PHACTR1: variants seen among roughly 807,000 people sequenced by gnomAD.
The protein encoded by PHACTR1 is RPEL repeat containing 1.
A neutral mutation model predicts 69.2 loss-of-function variants in PHACTR1; 16 were observed. That is an observed-to-expected ratio of 0.23 (90% CI 0.16 to 0.35). The LOEUF (loss-of-function observed/expected upper bound fraction) is 0.35. Among genes scored for constraint, PHACTR1 ranks in the 10% least tolerant of loss-of-function variants. The probability of loss-of-function intolerance (pLI) is 1.00; values close to 1 mark genes in which losing one functional copy is unlikely to be tolerated. For missense variants in PHACTR1, 510 were observed against 734.7 expected (o/e 0.69, Z 3.54); for synonymous variants, 312 against 284.5 (o/e 1.10, Z -0.97).
chr6:12,905,470 G>A (rs747009851), intron 4 of PHACTR1, among the ~76,000 whole-genome samples: 2 of 152,174 alleles, frequency 1.3e-5, no homozygotes, highest in African/African-American at 2.4e-5. Context: ...CATCCTATAT[G>A]CTAGGAACTG....
intron 4 of PHACTR1, among the ~76,000 whole-genome samples, chr6:13,043,374 C>T (rs1011816066): frequency 2.0e-5 from 3 of 151,508 alleles, no homozygotes; most frequent in Non-Finnish European, 2.9e-5. Flanking sequence ...TTGCAGTGAA[C>T]GGAGATAGAG....
chr6:13,230,124 A>G lies in PHACTR1; in HGVS notation c.1322A>G (p.Asn441Ser). 6.2e-7 allele frequency: 1 copy of G among 1,611,804 alleles called. No individual in the cohort carries two copies. The highest frequency in any genetic ancestry group is 8.5e-7 in the Non-Finnish European group (1 of 1,179,122). Residue 441 changes from asparagine (N) to serine (S), a missense_variant, in exon 10 of 15, where the codon AAC becomes AGC. Coordinates refer to ENST00000332995, the MANE Select transcript of PHACTR1 (RefSeq NM_030948.6). ...RPSKRELEEK[N>S]ILPRQTDEER... The stretch of plus-strand genomic sequence containing the variant: ...TCCAAGCGAGAGCTGGAAGAAAAGA[A>G]CATCCTTCCCAGGCAGACGGATGAG...
At chr6:13,172,452 C>T (rs78542501) in intron 6 of PHACTR1, among the ~76,000 whole-genome samples, 17 of 152,238 alleles carry the variant, frequency 1.1e-4, no homozygotes, top group Non-Finnish European at 2.1e-4. Context: ...TGTAATGAGG[C>T]GCTCAGGTTA....
intron 4 of PHACTR1, among the ~76,000 whole-genome samples, chr6:12,979,740 A>C (rs547651498): frequency 5.9e-5 from 9 of 151,946 alleles, no homozygotes; most frequent in East Asian, 1.9e-4. Context: ...AAAAAAAAAA[A>C]AAACCCCACA....
intron 10 of PHACTR1, among the ~76,000 whole-genome samples, chr6:13,255,933 C>G (rs1036035822): frequency 2.2e-4 from 34 of 152,332 alleles, no homozygotes; most frequent in Admixed American, 1.2e-3. Context: ...CTCCACTAGG[C>G]AGTGCCCCAG....
In PHACTR1 at chr6:12,900,735, A is replaced by G. The variant is rs143338136; in HGVS notation, c.250+150945A>G. On this transcript the variant is annotated intron_variant, in intron 4 of 14. Coordinates refer to ENST00000332995, the MANE Select transcript of PHACTR1 (RefSeq NM_030948.6). ...CATATCAATTTTTATATTAAAGTCC[A>G]TGTTCAGTGCCTGACTTGTATATGA... Among the ~76,000 whole-genome samples the G allele has an allele frequency of 5.8e-4, 88 of 152,250 alleles. 1 individual carries two copies. In the East Asian group the frequency reaches 0.015, roughly 27 times the overall value.
At chr6:12,747,597 G>A (rs991596154) in intron 3 of PHACTR1, among the ~76,000 whole-genome samples, 1 of 152,036 alleles carries the variant, frequency 6.6e-6, no homozygotes. Context: ...GCCCAAGGAA[G>A]TCAGGACTGT....
chr6:12,972,580 G>A (rs1047095425), intron 4 of PHACTR1, among the ~76,000 whole-genome samples: 13 of 151,810 alleles, frequency 8.6e-5, no homozygotes, highest in African/African-American at 2.7e-4. Flanking sequence ...CTGGCCTGCC[G>A]GCATTCCGTG....
chr6:12,818,174 C>T (rs570477544), intron 4 of PHACTR1, among the ~76,000 whole-genome samples: 8 of 152,206 alleles, frequency 5.3e-5, no homozygotes, highest in East Asian at 1.9e-4. Context: ...GTGTTTGCTA[C>T]GTAACAAACC....
chr6:12,914,158 C>A (rs1383699411), intron 4 of PHACTR1, among the ~76,000 whole-genome samples: 2 of 152,056 alleles, frequency 1.3e-5, no homozygotes, highest in African/African-American at 2.4e-5. Flanking sequence ...TGCCACCATG[C>A]CCAGCTAATT....
In PHACTR1 at chr6:13,273,133, G is replaced by A. The variant is rs562933015; in HGVS notation, c.1447+218G>A. ...CTTTATTCTTTAGAAGCTCACGGGC[G>A]GCAGGCAGAACCTTCCTTTTAGTGA... On this transcript the variant is annotated intron_variant, in intron 11 of 14. Transcript: ENST00000332995. The A allele has an allele frequency of 4.8e-4, 289 of 601,894 alleles. 2 individuals are homozygous for A. In the South Asian group the frequency reaches 6.8e-3, roughly 14 times the overall value. 37.3% of individuals were successfully genotyped at this position (601,894 alleles called of 1,614,324 possible). A position where few individuals can be genotyped will look rare whatever the true frequency, so the allele number is the denominator to read the frequency against.
At chr6:13,235,994 A>G (rs1771931836) in intron 10 of PHACTR1, among the ~76,000 whole-genome samples, 1 of 152,212 alleles carries the variant, frequency 6.6e-6, no homozygotes, top group Non-Finnish European at 1.5e-5. Flanking sequence ...GGAGTAAATG[A>G]GGATTGGGGC....
chr6:12,877,551 G>T (rs190304622), intron 4 of PHACTR1, among the ~76,000 whole-genome samples: 1 of 152,210 alleles, frequency 6.6e-6, no homozygotes, highest in Admixed American at 6.5e-5. Flanking sequence ...AATCACAGCC[G>T]TCTGTTTGCT....
In PHACTR1 at chr6:13,230,182, C is replaced by A; in HGVS notation, c.1380C>A (p.Thr460=). The stretch of plus-strand genomic sequence containing the variant: ...TGGAGCTGAGGCAACAGATTGGCAC[C>A]AAGCTCACCAGGTAGGACAGCGGCA... ...ERLELRQQIG[T]KLTRRLSQRP... Residue 460 remains threonine (T), a synonymous_variant, in exon 10 of 15, where the codon ACC becomes ACA. Coordinates refer to ENST00000332995, the MANE Select transcript of PHACTR1 (RefSeq NM_030948.6). The A allele has an allele frequency of 6.2e-7, 1 of 1,609,508 alleles. No homozygotes were observed. The highest frequency in any genetic ancestry group is 8.5e-7 in the Non-Finnish European group (1 of 1,178,216).
At chr6:12,755,350 C>T (rs1767189251) in intron 4 of PHACTR1, among the ~76,000 whole-genome samples, 1 of 152,166 alleles carries the variant, frequency 6.6e-6, no homozygotes, top group Non-Finnish European at 1.5e-5. Flanking sequence ...TTGATTCACT[C>T]AGCTCTAAGA....
At position 12,816,367 on chromosome 6, in the gene PHACTR1, TC is replaced by T. The variant is rs1183558517; in HGVS notation, c.250+66581del. 2.6e-5 allele frequency among the ~76,000 whole-genome samples: 4 copies of T among 152,234 alleles called. No individual in the cohort carries two copies. The East Asian group carries it at 7.7e-4, about 29-fold the overall frequency. On this transcript the variant is annotated intron_variant, in intron 4 of 14. Transcript: ENST00000332995. The stretch of plus-strand genomic sequence containing the variant: ...TTCTCTCTAAGGTAAATTCAGTTAT[TC>T]CCCTTAGTCTTTTAGTCTTATGTAA...
chr6:13,262,778 C>G (rs1340351001), intron 10 of PHACTR1, among the ~76,000 whole-genome samples: 1 of 152,206 alleles, frequency 6.6e-6, no homozygotes, highest in Non-Finnish European at 1.5e-5. Flanking sequence ...GAGAGAGGAT[C>G]TTATTTTCTG....
At chr6:13,053,254 T>C (rs1806232637) in intron 4 of PHACTR1, 111 bp from the exon 5 acceptor site, 1 of 1,141,050 alleles carries the variant, frequency 8.8e-7, no homozygotes, top group Non-Finnish European at 1.2e-6. Flanking sequence ...GAAACTCTAG[T>C]CACGTGGTTT....
At chr6:13,103,983 T>C (rs998775801) in intron 5 of PHACTR1, among the ~76,000 whole-genome samples, 3 of 152,006 alleles carry the variant, frequency 2.0e-5, no homozygotes, top group African/African-American at 4.8e-5. Context: ...GCTTGGGAGG[T>C]TGAGGCAGGA....
Sources: allele counts gnomAD v4.1 joint callset (sites outside exome capture counted in the v4.1 genomes callset), GRCh38; gene constraint gnomAD v4.1.1; transcripts MANE v1.5; gene names NCBI Gene and HGNC (gene_info 2026-07-23, HGNC 2026-07-21).